Variants in STUM observed in about 807,000 individuals in gnomAD.
STUM encodes stum, mechanosensory transduction mediator homolog.
Under a neutral mutation model 15.3 loss-of-function variants are expected in STUM, and 8 were observed. The ratio of observed to expected loss-of-function variants is 0.52; its 90% CI spans 0.31 to 0.94. The LOEUF (loss-of-function observed/expected upper bound fraction) is 0.94. Among genes scored for constraint, STUM ranks in the 40% least tolerant of loss-of-function variants. STUM has a pLI of 0.05. For missense variants in STUM, 142 were observed against 204.9 expected (o/e 0.69, Z 1.87); for synonymous variants, 78 against 88.7 (o/e 0.88, Z 0.68).
chr1:226,581,286 A>C lies in STUM; in HGVS notation c.203-15516A>C, dbSNP rs566046809. On this transcript the variant is annotated intron_variant, in intron 1 of 3. Transcript: ENST00000366788. ...GGAAGGGATTTGGGGGACAGCTAGC[A>C]GTCTTCCTACTCACTGGGCAATGAA... Among the ~76,000 whole-genome samples, 117 of 152,368 alleles carry C rather than the reference A, an allele frequency of 7.7e-4. 1 individual carries two copies. Among genetic ancestry groups the C allele is most frequent in the African/African-American group, 2.7e-3 (113 of 41,584 alleles).
rs371772503 is a variant in STUM at position 226,571,233 on chromosome 1, AAAAACAAAAC to A, written c.202+22147_202+22156del. On this transcript the variant is annotated intron_variant, in intron 1 of 3. Transcript: ENST00000366788. The stretch of plus-strand genomic sequence containing the variant: ...GAGACAGCGTGAATGGGACTGTCTC[AAAAACAAAAC>A]AAAACAAAACAAAACAAAAACTATA... Among the ~76,000 whole-genome samples, 11 of 152,026 alleles carry A rather than the reference AAAAACAAAAC, an allele frequency of 7.2e-5. No individual in the cohort carries two copies. The East Asian group carries it at 1.4e-3, about 19-fold the overall frequency.
Position 226,548,854 on chromosome 1 carries a change from T to C in STUM, c.-51T>C, listed in dbSNP as rs1667319227. 3.9e-6 allele frequency: 5 copies of C among 1,285,326 alleles called. No individual in the cohort carries two copies. In the South Asian group the frequency reaches 1.0e-4, roughly 26 times the overall value. 79.6% of individuals were successfully genotyped at this position (1,285,326 alleles called of 1,614,324 possible). On this transcript the variant is annotated 5_prime_UTR_variant, in exon 1 of 4. Coordinates refer to ENST00000366788, the MANE Select transcript of STUM (RefSeq NM_001003665.4). Reference sequence around the variant, plus strand: ...CCGACAGTCTCCTGCTCCCGTACGCTGGGCGCCAGCTCCGGCCGTGCTGCC... The same window carrying C: ...CCGACAGTCTCCTGCTCCCGTACGCCGGGCGCCAGCTCCGGCCGTGCTGCC...
intron 1 of STUM, among the ~76,000 whole-genome samples, chr1:226,562,712 T>A (rs1667563042): frequency 6.6e-6 from 1 of 152,152 alleles, no homozygotes; most frequent in African/African-American, 2.4e-5. Flanking sequence ...TTCAAAAGCA[T>A]CATTGTCATA....
intron 1 of STUM, among the ~76,000 whole-genome samples, chr1:226,550,597 T>C (rs1371790802): frequency 7.0e-6 from 1 of 142,024 alleles, no homozygotes; most frequent in Non-Finnish European, 1.6e-5. Flanking sequence ...TGATCCACCT[T>C]TTTTTTTTTT....
intron 1 of STUM, among the ~76,000 whole-genome samples, chr1:226,564,060 G>A (rs1159841322): frequency 6.6e-6 from 1 of 152,192 alleles, no homozygotes; most frequent in African/African-American, 2.4e-5. Flanking sequence ...TGAGCACAAG[G>A]CCCTCAGTGC....
At chr1:226,583,139 C>A (rs1193954808) in intron 1 of STUM, among the ~76,000 whole-genome samples, 4 of 152,204 alleles carry the variant, frequency 2.6e-5, no homozygotes, top group Non-Finnish European at 5.9e-5. Context: ...CACAGTGCCA[C>A]TTCCCCTGCA....
chr1:226,556,733 C>T (rs928235124), intron 1 of STUM, among the ~76,000 whole-genome samples: 2 of 152,172 alleles, frequency 1.3e-5, no homozygotes, highest in Admixed American at 6.5e-5. Context: ...TAATAATCTC[C>T]GCTTGGGCAT....
At chr1:226,550,787 C>A (rs1273333909) in intron 1 of STUM, among the ~76,000 whole-genome samples, 2 of 152,198 alleles carry the variant, frequency 1.3e-5, no homozygotes, top group African/African-American at 4.8e-5. Context: ...GGTCTCCCTT[C>A]ACTAGGTGCC....
intron 1 of STUM, among the ~76,000 whole-genome samples, chr1:226,562,456 CA>C (rs1362512413): frequency 2.1e-5 from 3 of 143,390 alleles, no homozygotes; most frequent in Non-Finnish European, 3.0e-5. Context: ...GCCTGGGCGA[CA>C]GAGCAAGACT....
At chr1:226,592,893 T>C (rs1418622788) in intron 1 of STUM, among the ~76,000 whole-genome samples, 2 of 152,136 alleles carry the variant, frequency 1.3e-5, no homozygotes, top group African/African-American at 4.8e-5. Flanking sequence ...ACACTTTAAA[T>C]CCACCCTGCC....
chr1:226,595,633 G>A (rs1558287302), intron 1 of STUM, among the ~76,000 whole-genome samples: 1 of 152,206 alleles, frequency 6.6e-6, no homozygotes, highest in Non-Finnish European at 1.5e-5. Flanking sequence ...TGGATGGGGA[G>A]AGCATCCTGG....
intron 1 of STUM, among the ~76,000 whole-genome samples, chr1:226,589,747 C>T (rs1024000127): frequency 2.3e-5 from 2 of 88,796 alleles, no homozygotes; most frequent in Non-Finnish European, 4.9e-5. Context: ...GGGCCAGCCT[C>T]AGCCTCCCTG....
At chr1:226,593,676 G>T (rs1375677296) in intron 1 of STUM, among the ~76,000 whole-genome samples, 1 of 152,194 alleles carries the variant, frequency 6.6e-6, no homozygotes, top group East Asian at 1.9e-4. Context: ...TGTCCATCCG[G>T]CGAGAGTAGA....
rs886481597 is a variant in STUM, at chr1:226,602,670, C to T, written c.*630C>T. On this transcript the variant is annotated 3_prime_UTR_variant, in exon 4 of 4. Coordinates refer to ENST00000366788, the MANE Select transcript of STUM (RefSeq NM_001003665.4). ...CCTCCCTGACCGCACCCCCCGCCTCCTCGCAGCTGAAATCTGAGGGCTGGG... is the reference window on the plus strand; with the variant it reads ...CCTCCCTGACCGCACCCCCCGCCTCTTCGCAGCTGAAATCTGAGGGCTGGG... The T allele has an allele frequency of 3.9e-5, 6 of 152,518 alleles. No homozygotes were observed. Among genetic ancestry groups the T allele is most frequent in the Admixed American group, 3.3e-4 (5 of 15,310 alleles). 9.4% of individuals were successfully genotyped at this position (152,518 alleles called of 1,614,324 possible). A position where few individuals can be genotyped will look rare whatever the true frequency, so the allele number is the denominator to read the frequency against.
intron 1 of STUM, among the ~76,000 whole-genome samples, chr1:226,584,247 C>T (rs777910840): frequency 2.6e-5 from 4 of 152,178 alleles, no homozygotes; most frequent in African/African-American, 4.8e-5. Context: ...ACCATCTACA[C>T]GAGGTTTCTC....
At chr1:226,555,386 G>T (rs903817836) in intron 1 of STUM, among the ~76,000 whole-genome samples, 4 of 152,072 alleles carry the variant, frequency 2.6e-5, no homozygotes, top group Non-Finnish European at 5.9e-5. Context: ...TAGACATAAC[G>T]CATCCAAAAC....
At chr1:226,584,216 C>T (rs1021689074) in intron 1 of STUM, among the ~76,000 whole-genome samples, 2 of 151,522 alleles carry the variant, frequency 1.3e-5, no homozygotes, top group Admixed American at 6.6e-5. Flanking sequence ...CAGCTGGAAC[C>T]TCACCTGAGC....
intron 1 of STUM, among the ~76,000 whole-genome samples, chr1:226,594,948 G>A (rs77186454): frequency 1.3e-5 from 2 of 152,214 alleles, no homozygotes; most frequent in East Asian, 3.8e-4. Context: ...GAGCCACTGC[G>A]CCGAGCCCTG....
At chr1:226,601,955 T>A (rs1282152514) in intron 3 of STUM, 51 bp from the exon 4 acceptor site, 1 of 1,567,298 alleles carries the variant, frequency 6.4e-7, no homozygotes, top group East Asian at 2.2e-5. Context: ...CCTGGAGAAA[T>A]CCTGAAGTAA....
Sources: gnomAD v4.1 joint callset for allele counts (sites outside exome capture counted in the v4.1 genomes callset) on GRCh38, gnomAD v4.1.1 for gene constraint, MANE v1.5 for transcripts, NCBI Gene and HGNC (gene_info 2026-07-23, HGNC 2026-07-21) for gene names.